Variants in TCN2 observed in about 807,000 individuals in gnomAD.
The protein encoded by TCN2 is transcobalamin-2.
A neutral mutation model predicts 48.6 loss-of-function variants in TCN2; 34 were observed. That is an observed-to-expected ratio of 0.70 (90% CI 0.53 to 0.93). The LOEUF is 0.93. TCN2 is among the 40% of genes least tolerant of loss of function. The probability of loss-of-function intolerance (pLI) is 0.00; values close to 1 mark genes in which losing one functional copy is unlikely to be tolerated. For synonymous variants in TCN2, 283 were observed against 212.5 expected (o/e 1.33, Z -2.89); for missense variants, 652 against 526.1 (o/e 1.24, Z -2.34).
At chr22:30,614,525 G>C in intron 4 of TCN2, 24 bp downstream of exon 4, 1 of 1,613,768 alleles carries the variant, frequency 6.2e-7, no homozygotes, top group Non-Finnish European at 8.5e-7. Flanking sequence ...ACCGTGCCAA[G>C]GCCAGGCTGG....
In TCN2 at chr22:30,614,500, G is replaced by T; in HGVS notation, c.579G>T (p.Val193=). 1 of 1,614,128 alleles carries T rather than the reference G, an allele frequency of 6.2e-7. No individual in the cohort carries two copies. Among genetic ancestry groups the T allele is most frequent in the Non-Finnish European group, 8.5e-7 (1 of 1,180,020 alleles). ...VEPFHQGHHS[V]DTAAMAGLAF... ...CTTTCCACCAGGGCCACCATTCTGT[G>T]GGTGAGTAGGTCAGACCGTGCCAAG... Residue 193 remains valine (V), a splice_region_variant and synonymous_variant, in exon 4 of 9, where the codon GTG becomes GTT. Transcript: ENST00000215838.
At chr22:30,622,655 C>T (rs370681092) in intron 7 of TCN2, among the ~76,000 whole-genome samples, 3 of 152,328 alleles carry the variant, frequency 2.0e-5, no homozygotes, top group East Asian at 3.9e-4. Flanking sequence ...TTCTGATTCT[C>T]ATCCCCCATA....
At position 30,623,052 on chromosome 22, in the gene TCN2, T is replaced by C. The variant is rs142590268; in HGVS notation, c.1191T>C (p.Leu397=). ...KAAGEREFWQ[L]LRDPNTPLLQ... is the part of the protein sequence containing the mutation. ...CCGGAGAAAGGGAGTTCTGGCAGCT[T>C]CTCCGAGACCCCAACACCCCACTGT... The change falls in exon 8 of 9, where the codon CTT becomes CTC. Residue 397 remains leucine, a synonymous_variant. Coordinates refer to ENST00000215838, the MANE Select transcript of TCN2 (RefSeq NM_000355.4). The C allele has an allele frequency of 2.0e-5, 33 of 1,613,706 alleles. No individual in the cohort carries two copies. Among genetic ancestry groups the C allele is most frequent in the Non-Finnish European group, 2.8e-5 (33 of 1,179,970 alleles).
chr22:30,610,094 T>C (rs2087512992), intron 1 of TCN2: 1 of 423,712 alleles, frequency 2.4e-6, no homozygotes. Flanking sequence ...GAACTATCCC[T>C]AAGGCTTCCG....
In TCN2 at chr22:30,615,439, T is replaced by C; in HGVS notation, c.719T>C (p.Phe240Ser). 6.2e-7 allele frequency: 1 copy of C among 1,614,042 alleles called. No individual in the cohort carries two copies. The highest frequency in any genetic ancestry group is 8.5e-7 in the Non-Finnish European group (1 of 1,180,018). Reference sequence around the variant, plus strand: ...AAGGCCCAGACCCCCGAGGGCCACTTTGGGAATGTCTACAGCACCCCATTG... The same window carrying C: ...AAGGCCCAGACCCCCGAGGGCCACTCTGGGAATGTCTACAGCACCCCATTG... The part of the protein sequence containing the change: ...ILKAQTPEGH[F>S]GNVYSTPLAL... The change falls in exon 5 of 9, where the codon TTT (phenylalanine) becomes TCT (serine). Residue 240 changes from phenylalanine to serine, a missense_variant. By Grantham distance (155) the Phe-to-Ser change is radical. Coordinates refer to ENST00000215838, the MANE Select transcript of TCN2 (RefSeq NM_000355.4).
chr22:30,622,432 A>C (rs186627288), intron 7 of TCN2, among the ~76,000 whole-genome samples: 1 of 152,194 alleles, frequency 6.6e-6, no homozygotes, highest in Admixed American at 6.5e-5. Flanking sequence ...CCGAACTCCA[A>C]GCCTCTCCAC....
At chr22:30,610,219 C>T (rs961997602) in intron 1 of TCN2, 17 of 471,040 alleles carry the variant, frequency 3.6e-5, no homozygotes, top group Non-Finnish European at 7.0e-5. Context: ...ATCTCAGGTC[C>T]TCTTCATTTA....
intron 7 of TCN2, among the ~76,000 whole-genome samples, chr22:30,618,432 A>G (rs12160098): frequency 0.053 from 7,923 of 149,752 alleles, 371 homozygotes; most frequent in African/African-American, 0.12. Flanking sequence ...GCTCACTGCA[A>G]CCTCCGTCTC....
chr22:30,616,378 C>T (rs901827035), intron 6 of TCN2, among the ~76,000 whole-genome samples: 3 of 151,780 alleles, frequency 2.0e-5, no homozygotes, highest in African/African-American at 7.3e-5. Context: ...AGCTAAGCTA[C>T]TCAGGAGGCT....
In TCN2 at chr22:30,623,947, C is replaced by CATATGTATATATATACACACATAT. The variant is rs1569046947; in HGVS notation, c.1222+873_1222+874insTATATACACACATATATATGTATA. Among the ~76,000 whole-genome samples the CATATGTATATATATACACACATAT allele has an allele frequency of 1.1e-4, 3 of 27,432 alleles. 1 individual carries two copies. Among genetic ancestry groups the CATATGTATATATATACACACATAT allele is most frequent in the Non-Finnish European group, 1.7e-4 (3 of 17,476 alleles). 18.0% of individuals were successfully genotyped at this position (27,432 alleles called of 152,430 possible). ...ATATGTATACATATATACACACACA[C>CATATGTATATATATACACACATAT]ATATGTATACATATATACACACACA... is the stretch of plus-strand genomic sequence containing the variant. On this transcript the variant is annotated intron_variant, in intron 8 of 8. Coordinates refer to ENST00000215838, the MANE Select transcript of TCN2 (RefSeq NM_000355.4).
Position 30,626,639 on chromosome 22 carries a change from C to A in TCN2, c.*118C>A. The A allele has an allele frequency of 2.6e-6, 3 of 1,152,398 alleles. No homozygotes were observed. The highest frequency in any genetic ancestry group is 2.6e-6 in the Non-Finnish European group (2 of 781,166). 71.4% of individuals were successfully genotyped at this position (1,152,398 alleles called of 1,614,324 possible). A position where few individuals can be genotyped will look rare whatever the true frequency, so the allele number is the denominator to read the frequency against. On this transcript the variant is annotated 3_prime_UTR_variant, in exon 9 of 9. Coordinates refer to ENST00000215838, the MANE Select transcript of TCN2 (RefSeq NM_000355.4). ...GCTGCCACCTCCTGTGCACTTTGAG[C>A]AATGCCCCCTGGGATCACCCCAGCC...
rs1267479189 is a variant in TCN2 at position 30,623,795 on chromosome 22, T to TACAC, written c.1222+716_1222+719dup. The stretch of plus-strand genomic sequence containing the variant: ...ACACACATATATATGTATACATATA[T>TACAC]ACACACATACACATATATACACACA... On this transcript the variant is annotated intron_variant, in intron 8 of 8. Coordinates refer to ENST00000215838, the MANE Select transcript of TCN2 (RefSeq NM_000355.4). 5.3e-4 allele frequency among the ~76,000 whole-genome samples: 2 copies of TACAC among 3,746 alleles called. 1 individual carries two copies. Among genetic ancestry groups the TACAC allele is most frequent in the Non-Finnish European group, 7.4e-4 (2 of 2,692 alleles). The allele number at this position is 3,746 out of a possible 152,430, so 2.5% of individuals were successfully genotyped here.
At chr22:30,610,332 A>ATG in intron 1 of TCN2, 1 of 470,694 alleles carries the variant, frequency 2.1e-6, no homozygotes, top group Non-Finnish European at 4.4e-6. Flanking sequence ...TGGAAATTTG[A>ATG]TGTGTAACAC....
Position 30,607,191 on chromosome 22 carries a change from T to A in TCN2, c.-141T>A. ...ACCCCTCTGCAGACTTAGCCGTGCATTGCAGGCATGGAGGATTAATCAGTG... is the reference window on the plus strand; with the variant it reads ...ACCCCTCTGCAGACTTAGCCGTGCAATGCAGGCATGGAGGATTAATCAGTG... On this transcript the variant is annotated 5_prime_UTR_variant, in exon 1 of 9. The change creates a new upstream start codon in the 5' untranslated region. Coordinates refer to ENST00000215838, the MANE Select transcript of TCN2 (RefSeq NM_000355.4). The A allele has an allele frequency of 1.2e-4, 90 of 782,464 alleles. No homozygotes were observed. The highest frequency in any genetic ancestry group is 7.5e-4 in the Middle Eastern group (2 of 2,676). 48.5% of individuals were successfully genotyped at this position (782,464 alleles called of 1,614,324 possible). A position where few individuals can be genotyped will look rare whatever the true frequency, so the allele number is the denominator to read the frequency against.
At chr22:30,618,870 A>T (rs1340014179) in intron 7 of TCN2, among the ~76,000 whole-genome samples, 1 of 152,010 alleles carries the variant, frequency 6.6e-6, no homozygotes, top group African/African-American at 2.4e-5. Context: ...CCCAGGTTCA[A>T]GCGATTCTCC....
intron 6 of TCN2, among the ~76,000 whole-genome samples, chr22:30,617,003 G>C (rs561869371): frequency 1.5e-4 from 23 of 152,140 alleles, no homozygotes; most frequent in Non-Finnish European, 3.1e-4. Context: ...ACAAATGCAT[G>C]TTCTAGGAAG....
chr22:30,623,831 CAT>C (rs1248111998), intron 8 of TCN2, among the ~76,000 whole-genome samples: 3,200 of 33,022 alleles, frequency 0.097, 1,218 homozygotes, highest in African/African-American at 0.44. Flanking sequence ...CATACACACA[CAT>C]ATACACACAC....
At chr22:30,615,836 C>T (rs764150899) in intron 6 of TCN2, 49 bp downstream of exon 6, 12 of 1,607,484 alleles carry the variant, frequency 7.5e-6, no homozygotes, top group Middle Eastern at 3.3e-4. Context: ...CTGCTGCGCA[C>T]CCATTGACGT....
chr22:30,623,216 G>T, intron 8 of TCN2, 133 bp downstream of exon 8: 1 of 778,896 alleles, frequency 1.3e-6, no homozygotes, highest in Non-Finnish European at 2.1e-6. Flanking sequence ...GATGCTCAAA[G>T]TTGGATATAA....
Sources: gnomAD v4.1 joint callset for allele counts (sites outside exome capture counted in the v4.1 genomes callset) on GRCh38, gnomAD v4.1.1 for gene constraint, MANE v1.5 for transcripts, NCBI Gene and HGNC (gene_info 2026-07-23, HGNC 2026-07-21) for gene names.